TAB2: variants seen among roughly 807,000 people sequenced by gnomAD.
TAB2 encodes the protein TGF-beta activated kinase 1 (MAP3K7) binding protein 2, also known as TGF-beta-activated kinase 1 and MAP3K7-binding protein 2.
TAB2 carries 3 observed loss-of-function variants against 65.0 expected under a neutral mutation model. The observed-to-expected ratio is 0.05, with a 90% confidence interval of 0.02 to 0.12. The LOEUF (loss-of-function observed/expected upper bound fraction) is 0.12. Ranked by LOEUF, TAB2 falls within the 10% of genes least tolerant of loss-of-function variation. The pLI is 1.00. For missense variants in TAB2, 623 were observed against 840.3 expected (o/e 0.74, Z 3.20); for synonymous variants, 298 against 285.1 (o/e 1.05, Z -0.46).
intron 3 of TAB2, among the ~76,000 whole-genome samples, chr6:149,381,975 G>T (rs1313703984): frequency 2.0e-5 from 3 of 152,104 alleles, no homozygotes; most frequent in Non-Finnish European, 4.4e-5. Flanking sequence ...TTGCCTCCTT[G>T]CAGTCTTCTT....
intron 2 of TAB2, among the ~76,000 whole-genome samples, chr6:149,376,641 A>G (rs1781407129): frequency 6.6e-6 from 1 of 152,212 alleles, no homozygotes; most frequent in Non-Finnish European, 1.5e-5. Flanking sequence ...TCGGTAGCCT[A>G]CAATATTAAT....
At chr6:149,402,336 C>G (rs1274658049) in intron 6 of TAB2, among the ~76,000 whole-genome samples, 1 of 151,608 alleles carries the variant, frequency 6.6e-6, no homozygotes, top group African/African-American at 2.4e-5. Flanking sequence ...TGATACATTC[C>G]TATCCAAAAA....
Position 149,409,693 on chromosome 6 carries a change from C to G in TAB2, c.2056C>G (p.Gln686Glu). The change falls in exon 7 of 7, where the codon CAG becomes GAG. Residue 686 changes from glutamine (Q) to glutamate (E), a missense_variant. By Grantham distance (29) the Gln-to-Glu change is conservative. This residue lies in a region of TAB2 where 56 missense variants were observed against 130.3 expected (regional missense o/e 0.43). Transcript: ENST00000637181. The stretch of plus-strand genomic sequence containing the variant: ...CCATCCAGCCTTAATTCGCTGTGAA[C>G]AGTGTGAGATGCCAAGGCATTTCTG... ...LNHPALIRCEQCEMPRHF is the reference protein window; with the variant it reads ...LNHPALIRCEECEMPRHF 2 of 1,614,120 alleles carry G rather than the reference C, an allele frequency of 1.2e-6. No individual in the cohort carries two copies.
At chr6:149,405,977 G>GTA (rs1782651576) in intron 6 of TAB2, among the ~76,000 whole-genome samples, 1 of 152,170 alleles carries the variant, frequency 6.6e-6, no homozygotes, top group Non-Finnish European at 1.5e-5. Context: ...GTTTTTCACA[G>GTA]TATATACATA....
chr6:149,391,791 T>C (rs1305980748), intron 3 of TAB2, among the ~76,000 whole-genome samples: 1 of 152,128 alleles, frequency 6.6e-6, no homozygotes, highest in Non-Finnish European at 1.5e-5. Context: ...CTCTCCCTCC[T>C]AGGCCTCCGA....
At chr6:149,329,768 T>C (rs961385183) in intron 1 of TAB2, among the ~76,000 whole-genome samples, 11 of 152,112 alleles carry the variant, frequency 7.2e-5, no homozygotes, top group African/African-American at 2.7e-4. Flanking sequence ...TAGATTTTAC[T>C]CAGGATGGGG....
chr6:149,234,935 A>T (rs552539127), intron 1 of TAB2, among the ~76,000 whole-genome samples: 1 of 152,140 alleles, frequency 6.6e-6, no homozygotes, highest in Non-Finnish European at 1.5e-5. Context: ...AAACAAAGGC[A>T]TACCATGTAA....
In TAB2 at chr6:149,379,489, T is replaced by G. The variant is rs773614826; in HGVS notation, c.1574T>G (p.Met525Arg). The change falls in exon 3 of 7, where the codon ATG (methionine) becomes AGG (arginine). Residue 525 changes from methionine to arginine, a missense_variant. Physicochemically the swap from Met to Arg is moderately conservative, Grantham distance 91. Transcript: ENST00000637181. Reference sequence around the variant, plus strand: ...ATAAGTGAAACACGGAAACTGAGTATGGGATCTGATGATGCTGCCTACACA... The same window carrying G: ...ATAAGTGAAACACGGAAACTGAGTAGGGGATCTGATGATGCTGCCTACACA... ...DRISETRKLS[M>R]GSDDAAYTQA... 6.2e-7 allele frequency: 1 copy of G among 1,614,118 alleles called. No individual in the cohort carries two copies. The highest frequency in any genetic ancestry group is 1.1e-5 in the South Asian group (1 of 91,078).
At chr6:149,263,684 C>T (rs1778201562) in intron 1 of TAB2, among the ~76,000 whole-genome samples, 2 of 152,242 alleles carry the variant, frequency 1.3e-5, no homozygotes, top group Admixed American at 1.3e-4. Flanking sequence ...CCCTCCTCTG[C>T]CCTGAAAATA....
chr6:149,388,481 A>G (rs1316908990), intron 3 of TAB2, among the ~76,000 whole-genome samples: 1 of 152,194 alleles, frequency 6.6e-6, no homozygotes, highest in Admixed American at 6.5e-5. Flanking sequence ...AGATTTTACC[A>G]GTTTATGCTC....
intron 1 of TAB2, among the ~76,000 whole-genome samples, chr6:149,223,344 T>A (rs899994519): frequency 1.3e-5 from 2 of 152,256 alleles, no homozygotes; most frequent in African/African-American, 4.8e-5. Context: ...TTGTTTTAGT[T>A]TGCAGAATCT....
At position 149,267,804 on chromosome 6, in the gene TAB2, G is replaced by A. The variant is rs1778291163; in HGVS notation, c.-121+49028G>A. On this transcript the variant is annotated intron_variant, in intron 1 of 1. Coordinates refer to the TAB2 transcript ENST00000606202. ...CATATTACTGTACTGAATACTGTAG[G>A]CAACTGTAACATAATGGTAAATATT... Among the ~76,000 whole-genome samples, 4 of 152,090 alleles carry A rather than the reference G, an allele frequency of 2.6e-5. No individual in the cohort carries two copies. The South Asian group carries it at 8.3e-4, about 32-fold the overall frequency.
intron 1 of TAB2, among the ~76,000 whole-genome samples, chr6:149,305,083 G>C (rs518836): frequency 7.9e-5 from 12 of 151,810 alleles, no homozygotes; most frequent in Non-Finnish European, 1.5e-4. Flanking sequence ...TATTGTTATT[G>C]TTATTATATA....
At chr6:149,316,925 C>A (rs1779268268), upstream of TAB2, among the ~76,000 whole-genome samples, 1 of 151,944 alleles carries the variant, frequency 6.6e-6, no homozygotes. Context: ...CGGGTCCCTC[C>A]CGTTAGCCGG....
intron 1 of TAB2, among the ~76,000 whole-genome samples, chr6:149,297,006 A>G (rs1778888169): frequency 6.6e-6 from 1 of 152,140 alleles, no homozygotes; most frequent in Non-Finnish European, 1.5e-5. Flanking sequence ...TTCTTTACTT[A>G]GATTCACTAA....
At chr6:149,301,274 C>G (rs996972829) in intron 1 of TAB2, among the ~76,000 whole-genome samples, 4 of 152,218 alleles carry the variant, frequency 2.6e-5, no homozygotes, top group African/African-American at 7.2e-5. Flanking sequence ...TTTGAATTCT[C>G]TGTCCACCAG....
chr6:149,312,411 G>A (rs772448387), intron 1 of TAB2, among the ~76,000 whole-genome samples: 1 of 152,054 alleles, frequency 6.6e-6, no homozygotes, highest in Non-Finnish European at 1.5e-5. Flanking sequence ...CACGCAGGCT[G>A]GAGTACAGTG....
chr6:149,293,695 CT>C (rs1778820709), intron 1 of TAB2, among the ~76,000 whole-genome samples: 1 of 152,148 alleles, frequency 6.6e-6, no homozygotes, highest in Non-Finnish European at 1.5e-5. Flanking sequence ...AAATGTCCCC[CT>C]AAATGTAAGT....
At chr6:149,337,228 T>G (rs1043930713) in intron 1 of TAB2, among the ~76,000 whole-genome samples, 2 of 143,084 alleles carry the variant, frequency 1.4e-5, no homozygotes, top group African/African-American at 5.2e-5. Context: ...GATAACTGTT[T>G]CGGTATAATT....
Sources: allele counts gnomAD v4.1 joint callset (sites outside exome capture counted in the v4.1 genomes callset), GRCh38; gene constraint gnomAD v4.1.1; regional missense constraint gnomAD v4.1.1; transcripts MANE v1.5; gene names NCBI Gene and HGNC (gene_info 2026-07-23, HGNC 2026-07-21).